Variants in TAFA5 observed in about 807,000 individuals in gnomAD.
The protein encoded by TAFA5 is chemokine-like protein TAFA-5.
TAFA5 carries 6 observed loss-of-function variants against 15.3 expected under a neutral mutation model. The observed-to-expected ratio is 0.39, with a 90% CI of 0.21 to 0.77. TAFA5 has a LOEUF of 0.77. Ranked by LOEUF, TAFA5 falls within the 30% of genes least tolerant of loss-of-function variation. The probability of loss-of-function intolerance (pLI) is 0.41; values close to 1 mark genes in which losing one functional copy is unlikely to be tolerated. For synonymous variants in TAFA5, 103 were observed against 80.7 expected, an observed-to-expected ratio of 1.28 and a Z score of -1.48; for missense variants, 161 against 193.1, an observed-to-expected ratio of 0.83 and a Z score of 0.98.
At chr22:48,611,693 T>G (rs1225507459) in intron 1 of TAFA5, among the ~76,000 whole-genome samples, 1 of 152,150 alleles carries the variant, frequency 6.6e-6, no homozygotes, top group Non-Finnish European at 1.5e-5. Flanking sequence ...GGTAGAACTT[T>G]CTGGAAACCA....
chr22:48,626,890 C>T (rs984493552), intron 1 of TAFA5, among the ~76,000 whole-genome samples: 1 of 152,188 alleles, frequency 6.6e-6, no homozygotes, highest in Admixed American at 6.5e-5. Context: ...CGTTTAGATA[C>T]CATTTTTCCT....
At chr22:48,542,179 G>A (rs1473359607) in intron 1 of TAFA5, among the ~76,000 whole-genome samples, 1 of 143,224 alleles carries the variant, frequency 7.0e-6, no homozygotes, top group Non-Finnish European at 1.5e-5. Flanking sequence ...CATGTGTGAT[G>A]TGTGTGTCGT....
At chr22:48,558,753 C>T (rs368142539) in intron 1 of TAFA5, among the ~76,000 whole-genome samples, 3 of 152,316 alleles carry the variant, frequency 2.0e-5, no homozygotes, top group South Asian at 2.1e-4. Context: ...TGGGGAGGGG[C>T]GTGACACGAG....
intron 1 of TAFA5, among the ~76,000 whole-genome samples, chr22:48,585,473 C>CATACACCACATACAAA (rs1924315440): frequency 2.0e-5 from 3 of 150,722 alleles, no homozygotes; most frequent in African/African-American, 7.3e-5. Context: ...ATACACCACA[C>CATACACCACATACAAA]ATACACCACA....
intron 1 of TAFA5, among the ~76,000 whole-genome samples, chr22:48,514,390 G>A (rs1295582077): frequency 6.6e-6 from 1 of 152,186 alleles, no homozygotes; most frequent in Non-Finnish European, 1.5e-5. Flanking sequence ...TTGAAAACCT[G>A]TTCCTTCTTC....
intron 1 of TAFA5, among the ~76,000 whole-genome samples, chr22:48,496,165 C>T (rs1171118672): frequency 2.0e-5 from 3 of 152,250 alleles, no homozygotes; most frequent in South Asian, 2.1e-4. Flanking sequence ...CATCCCCTCT[C>T]CAGTGCTGTG....
intron 2 of TAFA5, among the ~76,000 whole-genome samples, chr22:48,698,934 C>CT (rs745562520): frequency 0.01 from 967 of 94,692 alleles, 13 homozygotes; most frequent in African/African-American, 0.025. Flanking sequence ...TGTGGCAATG[C>CT]TTTTTTTTTT....
chr22:48,513,383 G>A (rs538573000), intron 1 of TAFA5, among the ~76,000 whole-genome samples: 36 of 152,346 alleles, frequency 2.4e-4, no homozygotes, highest in African/African-American at 8.2e-4. Flanking sequence ...CATGAAGGGA[G>A]GGCTCATCGC....
intron 1 of TAFA5, among the ~76,000 whole-genome samples, chr22:48,614,427 C>T (rs1344694276): frequency 6.6e-6 from 1 of 152,234 alleles, no homozygotes; most frequent in Non-Finnish European, 1.5e-5. Flanking sequence ...CACCCTTATA[C>T]TTGGGAGACC....
At position 48,516,183 on chromosome 22, in the gene TAFA5, C is replaced by T. The variant is rs939962411; in HGVS notation, c.112+26479C>T. Among the ~76,000 whole-genome samples the T allele has an allele frequency of 3.3e-5, 5 of 152,138 alleles. 1 individual carries two copies. The highest frequency in any genetic ancestry group is 2.0e-4 in the Admixed American group (3 of 15,282). On this transcript the variant is annotated intron_variant, in intron 1 of 3. Transcript: ENST00000402357. ...CCCAAAGACTAATTAAACCAGATGG[C>T]GGCGAAACCCACGTGGAGGCGCCGA...
intron 1 of TAFA5, among the ~76,000 whole-genome samples, chr22:48,612,497 AG>A (rs1925445429): frequency 6.6e-6 from 1 of 152,102 alleles, no homozygotes; most frequent in Non-Finnish European, 1.5e-5. Context: ...CCCTGGGCAC[AG>A]GTGGCCTCGT....
chr22:48,620,094 G>A (rs561552898), intron 1 of TAFA5, among the ~76,000 whole-genome samples: 20 of 152,232 alleles, frequency 1.3e-4, no homozygotes, highest in African/African-American at 4.1e-4. Context: ...GGAAGGACCC[G>A]GGGCCCTGCT....
At chr22:48,615,951 G>T (rs1191957803) in intron 1 of TAFA5, among the ~76,000 whole-genome samples, 1 of 152,234 alleles carries the variant, frequency 6.6e-6, no homozygotes, top group Non-Finnish European at 1.5e-5. Context: ...GGGATGGTCA[G>T]GTCTGTTTCT....
chr22:48,743,888 G>T (rs1051065300), intron 3 of TAFA5, among the ~76,000 whole-genome samples: 1 of 152,236 alleles, frequency 6.6e-6, no homozygotes, highest in Non-Finnish European at 1.5e-5. Flanking sequence ...GCCCCCACCT[G>T]CCCTACAGCA....
chr22:48,551,297 C>T (rs1308851721), intron 1 of TAFA5, among the ~76,000 whole-genome samples: 7 of 152,114 alleles, frequency 4.6e-5, no homozygotes, highest in East Asian at 3.9e-4. Context: ...GGGAGGAAAA[C>T]ACCAGCCGAG....
intron 1 of TAFA5, among the ~76,000 whole-genome samples, chr22:48,492,569 G>A (rs955835014): frequency 9.9e-5 from 15 of 152,256 alleles, no homozygotes; most frequent in African/African-American, 2.4e-4. Flanking sequence ...CCGTCTGGCC[G>A]GAGAAAGACC....
At chr22:48,500,252 G>A (rs975929133) in intron 1 of TAFA5, among the ~76,000 whole-genome samples, 9 of 152,080 alleles carry the variant, frequency 5.9e-5, no homozygotes, top group Admixed American at 3.9e-4. Context: ...TGGCAGGCTC[G>A]TCTGGGCCCT....
chr22:48,634,262 A>G (rs761781), intron 1 of TAFA5, among the ~76,000 whole-genome samples: 8 of 151,664 alleles, frequency 5.3e-5, no homozygotes, highest in Non-Finnish European at 1.0e-4. Flanking sequence ...TCATTTACTC[A>G]TTCACTCATC....
In TAFA5 at chr22:48,750,112, C is replaced by T. The variant is rs1451796668; in HGVS notation, c.*265C>T. The T allele has an allele frequency of 9.4e-6, 5 of 532,044 alleles. No individual in the cohort carries two copies. The highest frequency in any genetic ancestry group is 2.3e-5 in the South Asian group (1 of 42,846). The allele number at this position is 532,044 out of a possible 1,614,324, so 33.0% of individuals were successfully genotyped here. A position where few individuals can be genotyped will look rare whatever the true frequency, so the allele number is the denominator to read the frequency against. On this transcript the variant is annotated 3_prime_UTR_variant, in exon 4 of 4. Coordinates refer to ENST00000402357, the MANE Select transcript of TAFA5 (RefSeq NM_001082967.3). ...TACGCAGTCTGTGGGAGCCCGGCCG[C>T]GCCCAGCCCCCGCCGACCGTGGCGT...
Sources: gnomAD v4.1 joint callset for allele counts (sites outside exome capture counted in the v4.1 genomes callset) on GRCh38, gnomAD v4.1.1 for gene constraint, MANE v1.5 for transcripts, NCBI Gene and HGNC (gene_info 2026-07-23, HGNC 2026-07-21) for gene names.